Variants in KNTC1 observed in about 807,000 individuals in gnomAD.
The protein encoded by KNTC1 is kinetochore associated 1, also known as kinetochore-associated protein 1.
In KNTC1, 253 loss-of-function variants were observed where a neutral mutation model predicts 314.4. The ratio of observed to expected loss-of-function variants is 0.80; its 90% confidence interval spans 0.73 to 0.89. The LOEUF (loss-of-function observed/expected upper bound fraction) is 0.89. KNTC1 is among the 40% of genes least tolerant of loss of function. KNTC1 has a pLI of 0.00. For synonymous variants in KNTC1, 901 were observed against 901.4 expected (o/e 1.00, Z 0.01); for missense variants, 2,475 against 2,572.9 (o/e 0.96, Z 0.82).
intron 63 of KNTC1, among the ~76,000 whole-genome samples, chr12:122,625,930 G>A (rs867062133): frequency 6.6e-6 from 1 of 152,174 alleles, no homozygotes; most frequent in Non-Finnish European, 1.5e-5. Flanking sequence ...GAATGAGCCC[G>A]CATTTTGTTA....
In KNTC1 at chr12:122,580,658, T is replaced by C; in HGVS notation, c.2970T>C (p.Val990=). Reference sequence around the variant, plus strand: ...AAATGTTGAAACTATTTAAAGAGGTTGCTAGCTTACAGGTAAACATATTGA... The same window carrying C: ...AAATGTTGAAACTATTTAAAGAGGTCGCTAGCTTACAGGTAAACATATTGA... ...CEEMLKLFKE[V]ASLQENFEVF... The change falls in exon 33 of 64, where the codon GTT becomes GTC. Residue 990 remains valine (V), a synonymous_variant. Transcript: ENST00000333479. 6.4e-7 allele frequency: 1 copy of C among 1,565,140 alleles called. No homozygotes were observed. Among genetic ancestry groups the C allele is most frequent in the Non-Finnish European group, 8.7e-7 (1 of 1,151,572 alleles).
In KNTC1 at chr12:122,544,181, G is replaced by A; in HGVS notation, c.581G>A (p.Ser194Asn). 3.2e-6 allele frequency: 5 copies of A among 1,567,904 alleles called. No individual in the cohort carries two copies. Among genetic ancestry groups the A allele is most frequent in the Non-Finnish European group, 4.3e-6 (5 of 1,157,922 alleles). Residue 194 changes from serine to asparagine, a missense_variant, in exon 8 of 64, where the codon AGT becomes AAT. Physicochemically the swap from Ser to Asn is conservative, Grantham distance 46. Coordinates refer to ENST00000333479, the MANE Select transcript of KNTC1 (RefSeq NM_014708.6). ...CAGTTACAAGGACAAATCAAGTCCA[G>A]TTTTATTTCTACTGAAAATTATCAT... ...AKKLQGQIKS[S>N]FISTENYHTL...
intron 51 of KNTC1, among the ~76,000 whole-genome samples, chr12:122,606,076 G>A (rs968948356): frequency 3.3e-5 from 5 of 151,084 alleles, no homozygotes; most frequent in Admixed American, 2.6e-4. Context: ...TTGGCTAGGC[G>A]GGTCTCAAAC....
chr12:122,568,460 T>G lies in KNTC1; in HGVS notation c.1716+88T>G, dbSNP rs1964484241. 1.5e-5 allele frequency: 12 copies of G among 783,688 alleles called. No individual in the cohort carries two copies. In the South Asian group the frequency reaches 1.8e-4, roughly 12 times the overall value. 48.5% of individuals were successfully genotyped at this position (783,688 alleles called of 1,614,324 possible). ...ATGTTGGAGACTAACAAGGTGCAAGTCTGACTGGGTGATGGGATGTTTTTT... is the reference window on the plus strand; with the variant it reads ...ATGTTGGAGACTAACAAGGTGCAAGGCTGACTGGGTGATGGGATGTTTTTT... On this transcript the variant is annotated intron_variant, in intron 21 of 63. Transcript: ENST00000333479.
At chr12:122,614,767 GCTA>G (rs1873587813) in intron 55 of KNTC1, among the ~76,000 whole-genome samples, 1 of 151,916 alleles carries the variant, frequency 6.6e-6, no homozygotes, top group Admixed American at 6.6e-5. Flanking sequence ...TGTAATCCCA[GCTA>G]CTCGGGAAGC....
At position 122,585,003 on chromosome 12, in the gene KNTC1, T is replaced by C; in HGVS notation, c.3534+13T>C. The C allele has an allele frequency of 1.3e-6, 2 of 1,521,094 alleles. No homozygotes were observed. Among genetic ancestry groups the C allele is most frequent in the Non-Finnish European group, 9.1e-7 (1 of 1,100,512 alleles). The allele number at this position is 1,521,094 out of a possible 1,614,324, so 94.2% of individuals were successfully genotyped here. A position where few individuals can be genotyped will look rare whatever the true frequency, so the allele number is the denominator to read the frequency against. On this transcript the variant is annotated intron_variant, in intron 36 of 63. Coordinates refer to ENST00000333479, the MANE Select transcript of KNTC1 (RefSeq NM_014708.6). ...AATCCTCATGAAAGTAAGTTACTTT[T>C]GAGTTTTTTCCCTTAAATCCTGGGC...
At chr12:122,612,981 C>G in intron 53 of KNTC1, 131 bp from the exon 54 acceptor site, 1 of 639,870 alleles carries the variant, frequency 1.6e-6, no homozygotes, top group Non-Finnish European at 2.8e-6. Flanking sequence ...ACACACAGTG[C>G]GTTCCGTAAC....
In KNTC1 at chr12:122,591,523, CTGT is replaced by C. The variant is rs1392779097; in HGVS notation, c.4245+75_4245+77del. ...GGTTGGAAAATTTAAAACAAAGATT[CTGT>C]TGTTCTTTACTTTTGGGAGGAGAGT... On this transcript the variant is annotated intron_variant, in intron 42 of 63. Transcript: ENST00000333479. 27 of 842,456 alleles carry C rather than the reference CTGT, an allele frequency of 3.2e-5. 1 individual carries two copies. In the South Asian group the frequency reaches 3.8e-4, roughly 12 times the overall value. The allele number at this position is 842,456 out of a possible 1,614,324, so 52.2% of individuals were successfully genotyped here.
chr12:122,532,936 C>T (rs748121319), intron 2 of KNTC1, among the ~76,000 whole-genome samples: 5 of 152,020 alleles, frequency 3.3e-5, no homozygotes, highest in South Asian at 4.1e-4. Context: ...TGTGTGAGCC[C>T]GGTGTGGTGG....
chr12:122,615,734 C>A (rs1190619519), intron 57 of KNTC1, among the ~76,000 whole-genome samples: 20 of 152,206 alleles, frequency 1.3e-4, no homozygotes. Flanking sequence ...CTGCAGTGAG[C>A]CGTGATTGCA....
At position 122,541,949 on chromosome 12, in the gene KNTC1, A is replaced by G. The variant is rs879172844; in HGVS notation, c.446-101A>G. 26 of 1,152,196 alleles carry G rather than the reference A, an allele frequency of 2.3e-5. No individual in the cohort carries two copies. The South Asian group carries it at 4.1e-4, about 18-fold the overall frequency. The allele number at this position is 1,152,196 out of a possible 1,614,324, so 71.4% of individuals were successfully genotyped here. On this transcript the variant is annotated intron_variant, in intron 5 of 63. Transcript: ENST00000333479. ...CAGGAGAATTGCACCCTAGAGGCGGAGGTTGCAGGGAGCCGAGATCGCGCT... is the reference window on the plus strand; with the variant it reads ...CAGGAGAATTGCACCCTAGAGGCGGGGGTTGCAGGGAGCCGAGATCGCGCT...
chr12:122,603,654 G>A (rs564671473), intron 48 of KNTC1, among the ~76,000 whole-genome samples: 15 of 151,962 alleles, frequency 9.9e-5, no homozygotes, highest in Non-Finnish European at 1.6e-4. Context: ...CATCATGCCC[G>A]GCTAATTTTT....
chr12:122,615,686 C>G (rs1211027298), intron 57 of KNTC1, among the ~76,000 whole-genome samples, 160 bp downstream of exon 57: 1 of 152,106 alleles, frequency 6.6e-6, no homozygotes, highest in African/African-American at 2.4e-5. Flanking sequence ...CTTTGGGAGG[C>G]CAAGGTGGAA....
rs764591565 is a variant in KNTC1, at chr12:122,575,569, C to G, written c.2409C>G (p.Ile803Met). 1.3e-6 allele frequency: 2 copies of G among 1,595,338 alleles called. No individual in the cohort carries two copies. The highest frequency in any genetic ancestry group is 1.7e-6 in the Non-Finnish European group (2 of 1,170,614). ...TDLIFDAVLK[I>M]MYAAVVPWSA... is the part of the protein sequence containing the mutation. ...TCATATTTGATGCCGTGCTCAAGAT[C>G]ATGTATGCGGCAGTGGTTCCTTGGA... is the stretch of plus-strand genomic sequence containing the variant. The change falls in exon 28 of 64, where the codon ATC (isoleucine) becomes ATG (methionine). Residue 803 changes from isoleucine (I) to methionine (M), a missense_variant. Ile to Met is a conservative substitution (Grantham distance 10, BLOSUM62 1). Transcript: ENST00000333479.
intron 57 of KNTC1, among the ~76,000 whole-genome samples, chr12:122,616,909 C>T (rs1206755365): frequency 6.6e-6 from 1 of 152,144 alleles, no homozygotes; most frequent in Non-Finnish European, 1.5e-5. Flanking sequence ...CTCCCTCCAG[C>T]CCCCAGTGAC....
chr12:122,609,148 A>G (rs1872847315), intron 51 of KNTC1: 1 of 457,850 alleles, frequency 2.2e-6, no homozygotes, highest in Non-Finnish European at 3.8e-6. Flanking sequence ...GGCAATCTAT[A>G]TACTTAGAAT....
intron 5 of KNTC1, among the ~76,000 whole-genome samples, chr12:122,540,682 T>C (rs1422494737): frequency 1.3e-5 from 2 of 152,204 alleles, no homozygotes; most frequent in Non-Finnish European, 2.9e-5. Flanking sequence ...AGTATATTAT[T>C]ATATTTTTAC....
chr12:122,575,564 A>G lies in KNTC1; in HGVS notation c.2404A>G (p.Lys802Glu), dbSNP rs1964960895. 1 of 1,594,150 alleles carries G rather than the reference A, an allele frequency of 6.3e-7. No homozygotes were observed. Among genetic ancestry groups the G allele is most frequent in the Non-Finnish European group, 8.5e-7 (1 of 1,169,968 alleles). Residue 802 changes from lysine (K) to glutamate (E), a missense_variant, in exon 28 of 64, where the codon AAG (lysine) becomes GAG (glutamate). Transcript: ENST00000333479. Reference sequence around the variant, plus strand: ...GTAGCTCATATTTGATGCCGTGCTCAAGATCATGTATGCGGCAGTGGTTCC... The same window carrying G: ...GTAGCTCATATTTGATGCCGTGCTCGAGATCATGTATGCGGCAGTGGTTCC... ...DTDLIFDAVL[K>E]IMYAAVVPWS...
intron 18 of KNTC1, among the ~76,000 whole-genome samples, chr12:122,558,672 A>C (rs1309211279): frequency 6.6e-6 from 1 of 151,850 alleles, no homozygotes; most frequent in African/African-American, 2.4e-5. Flanking sequence ...TGAGGTCAGG[A>C]GTTCACCAGC....
Sources: allele counts gnomAD v4.1 joint callset (sites outside exome capture counted in the v4.1 genomes callset), GRCh38; gene constraint gnomAD v4.1.1; transcripts MANE v1.5; gene names NCBI Gene and HGNC (gene_info 2026-07-23, HGNC 2026-07-21).